Variants in EIF2AK2 observed in about 807,000 individuals in gnomAD.
The protein encoded by EIF2AK2 is interferon-induced, double-stranded RNA-activated protein kinase.
EIF2AK2 carries 40 observed loss-of-function variants against 70.5 expected under a neutral mutation model. The ratio of observed to expected loss-of-function variants is 0.57; its 90% confidence interval spans 0.44 to 0.74. The LOEUF (loss-of-function observed/expected upper bound fraction) is 0.74. EIF2AK2 is among the 30% of genes least tolerant of loss of function. EIF2AK2 has a pLI of 0.00. For synonymous variants in EIF2AK2, 198 were observed against 220.9 expected, an observed-to-expected ratio of 0.90 and a Z score of 0.92; for missense variants, 555 against 644.3, an observed-to-expected ratio of 0.86 and a Z score of 1.50.
Position 37,138,258 on chromosome 2 carries a change from C to T in EIF2AK2, c.687+12G>A, listed in dbSNP as rs1675197551. 2.5e-6 allele frequency: 4 copies of T among 1,594,566 alleles called. No individual in the cohort carries two copies. In the South Asian group the frequency reaches 4.5e-5, roughly 18 times the overall value. On this transcript the variant is annotated intron_variant, in intron 8 of 16. Coordinates refer to ENST00000233057, the MANE Select transcript of EIF2AK2 (RefSeq NM_001135651.3). ...TAAGATTAAGTAGGAAGCTTCGAGA[C>T]TAATACGATACCATAAGCAACGAAG... is the stretch of plus-strand genomic sequence containing the variant.
chr2:37,143,341 A>C (rs1490610361), intron 4 of EIF2AK2, among the ~76,000 whole-genome samples: 1 of 152,026 alleles, frequency 6.6e-6, no homozygotes, highest in Non-Finnish European at 1.5e-5. Flanking sequence ...TTGTCTGCTG[A>C]AATCTCTTCA....
intron 10 of EIF2AK2, among the ~76,000 whole-genome samples, chr2:37,127,032 A>G (rs940404973): frequency 6.6e-6 from 1 of 150,838 alleles, no homozygotes; most frequent in East Asian, 1.9e-4. Context: ...CAAATACAAA[A>G]TGTTCAAAGG....
intron 15 of EIF2AK2, 108 bp downstream of exon 15, chr2:37,109,086 T>G: frequency 2.3e-6 from 2 of 868,280 alleles, no homozygotes; most frequent in Admixed American, 5.5e-5. Context: ...CAGATACTAA[T>G]ATGCTCAAGC....
rs569000805 is a variant in EIF2AK2 at position 37,116,501 on chromosome 2, C to T, written c.1249-1642G>A. Among the ~76,000 whole-genome samples, 90 of 152,262 alleles carry T rather than the reference C, an allele frequency of 5.9e-4. No individual in the cohort carries two copies. The South Asian group carries it at 0.016, about 27-fold the overall frequency. ...TCTTAGGCTAAACACACAGACTCTA[C>T]GGGATAACACACTTATGAGAGGGCC... On this transcript the variant is annotated intron_variant, in intron 13 of 16. Transcript: ENST00000233057.
intron 9 of EIF2AK2, among the ~76,000 whole-genome samples, chr2:37,136,130 G>A (rs1243051901): frequency 6.6e-6 from 1 of 152,136 alleles, no homozygotes; most frequent in Non-Finnish European, 1.5e-5. Context: ...ATTCCTTACT[G>A]ATGATAAGCC....
chr2:37,110,021 A>G (rs1490318286), intron 14 of EIF2AK2, among the ~76,000 whole-genome samples: 2 of 152,054 alleles, frequency 1.3e-5, no homozygotes, highest in East Asian at 1.9e-4. Context: ...ACGAAAAAAT[A>G]TACACTTAAG....
At position 37,148,259 on chromosome 2, in the gene EIF2AK2, T is replaced by C. The variant is rs531430814; in HGVS notation, c.-16-437A>G. Among the ~76,000 whole-genome samples the C allele has an allele frequency of 5.9e-5, 9 of 152,312 alleles. 1 individual carries two copies. The South Asian group carries it at 1.9e-3, about 32-fold the overall frequency. On this transcript the variant is annotated intron_variant, in intron 2 of 16. Coordinates refer to ENST00000233057, the MANE Select transcript of EIF2AK2 (RefSeq NM_001135651.3). ...CTCTGTGCTTCCACTGAGTATCAACTACATGTTTGCCTACCTGCTTAAAAA... is the reference window on the plus strand; with the variant it reads ...CTCTGTGCTTCCACTGAGTATCAACCACATGTTTGCCTACCTGCTTAAAAA...
intron 1 of EIF2AK2, among the ~76,000 whole-genome samples, chr2:37,155,409 ACTTGTCACCTG>A (rs1164273949): frequency 6.6e-6 from 1 of 152,220 alleles, no homozygotes; most frequent in Non-Finnish European, 1.5e-5. Flanking sequence ...CCCATCCAGG[ACTTGTCACCTG>A]CTTTTCTCTA....
chr2:37,108,584 T>C (rs1247339314), intron 15 of EIF2AK2, among the ~76,000 whole-genome samples: 1 of 152,188 alleles, frequency 6.6e-6, no homozygotes, highest in Admixed American at 6.5e-5. Flanking sequence ...CATTTATTTA[T>C]TTAGAGATGG....
intron 8 of EIF2AK2, among the ~76,000 whole-genome samples, chr2:37,137,436 T>C (rs191961260): frequency 5.9e-5 from 9 of 152,326 alleles, no homozygotes; most frequent in Admixed American, 3.3e-4. Context: ...AAGTTCAACA[T>C]TGCCTGCTTA....
intron 1 of EIF2AK2, among the ~76,000 whole-genome samples, chr2:37,153,732 T>C (rs539992968): frequency 6.6e-6 from 1 of 152,372 alleles, no homozygotes; most frequent in East Asian, 1.9e-4. Context: ...CATTCATTTA[T>C]GAATGGACAC....
chr2:37,119,210 G>A (rs909237635), intron 13 of EIF2AK2, among the ~76,000 whole-genome samples: 1 of 152,168 alleles, frequency 6.6e-6, no homozygotes, highest in Admixed American at 6.5e-5. Flanking sequence ...ATAAAAGCCA[G>A]AGGAAAATGA....
At chr2:37,144,447 G>C (rs1165557747) in intron 4 of EIF2AK2, among the ~76,000 whole-genome samples, 2 of 152,046 alleles carry the variant, frequency 1.3e-5, no homozygotes, top group Admixed American at 1.3e-4. Flanking sequence ...TACAATAGGA[G>C]ATGACACCTC....
In EIF2AK2 at chr2:37,145,629, T is replaced by A. The variant is rs1386793641; in HGVS notation, c.240+1224A>T. 3.9e-5 allele frequency among the ~76,000 whole-genome samples: 6 copies of A among 152,052 alleles called. No individual in the cohort carries two copies. In the East Asian group the frequency reaches 1.2e-3, roughly 29 times the overall value. On this transcript the variant is annotated intron_variant, in intron 4 of 16. Coordinates refer to ENST00000233057, the MANE Select transcript of EIF2AK2 (RefSeq NM_001135651.3). ...TCTACAGTGGTAAACAATAATGCCC[T>A]AGGCCTTCACATTCATTCACCACCC...
intron 12 of EIF2AK2, among the ~76,000 whole-genome samples, chr2:37,121,581 C>T (rs1317315129): frequency 6.7e-6 from 1 of 148,876 alleles, no homozygotes; most frequent in African/African-American, 2.5e-5. Context: ...AAGAGAAGTG[C>T]CAACAAATTA....
chr2:37,124,019 G>C (rs1674646592), intron 11 of EIF2AK2, among the ~76,000 whole-genome samples: 1 of 151,450 alleles, frequency 6.6e-6, no homozygotes, highest in Non-Finnish European at 1.5e-5. Flanking sequence ...ACCCAGGCTG[G>C]AGTGCAGTGG....
intron 14 of EIF2AK2, among the ~76,000 whole-genome samples, chr2:37,112,575 T>A (rs1286652925): frequency 6.6e-6 from 1 of 152,204 alleles, no homozygotes; most frequent in African/African-American, 2.4e-5. Flanking sequence ...AATTGAAGAA[T>A]AATGTGGCAG....
In EIF2AK2 at chr2:37,148,666, A is replaced by C. The variant is rs578006459; in HGVS notation, c.-17+191T>G. 90 of 819,572 alleles carry C rather than the reference A, an allele frequency of 1.1e-4. No individual in the cohort carries two copies. In the African/African-American group the frequency reaches 1.3e-3, roughly 12 times the overall value. The allele number at this position is 819,572 out of a possible 1,614,324, so 50.8% of individuals were successfully genotyped here. On this transcript the variant is annotated intron_variant, in intron 2 of 16. Coordinates refer to ENST00000233057, the MANE Select transcript of EIF2AK2 (RefSeq NM_001135651.3). ...TGCTTTTACTTCAACTTAGAACTGGAAGGACACTTTCTAGGAACAATACAA... is the reference window on the plus strand; with the variant it reads ...TGCTTTTACTTCAACTTAGAACTGGCAGGACACTTTCTAGGAACAATACAA...
chr2:37,149,167 T>C (rs2148714486), intron 1 of EIF2AK2, 144 bp from the exon 2 acceptor site: 1 of 1,019,356 alleles, frequency 9.8e-7, no homozygotes, highest in Non-Finnish European at 1.6e-6. Flanking sequence ...ATGAAGATTG[T>C]TTAGGATGTT....
Sources: allele counts gnomAD v4.1 joint callset (sites outside exome capture counted in the v4.1 genomes callset), GRCh38; gene constraint gnomAD v4.1.1; transcripts MANE v1.5; gene names NCBI Gene and HGNC (gene_info 2026-07-23, HGNC 2026-07-21).